Variants in LINGO2 observed in about 807,000 individuals in gnomAD.
LINGO2 encodes the protein leucine-rich repeat and immunoglobulin-like domain-containing nogo receptor-interacting protein 2.
LINGO2 carries 14 observed loss-of-function variants against 30.6 expected under a neutral mutation model. That is an observed-to-expected ratio of 0.46 (90% CI 0.30 to 0.72). The LOEUF (loss-of-function observed/expected upper bound fraction) is 0.72. Ranked by LOEUF, LINGO2 falls within the 30% of genes least tolerant of loss-of-function variation. The pLI is 0.07. For missense variants in LINGO2, 729 were observed against 751.7 expected (o/e 0.97, Z 0.35); for synonymous variants, 317 against 288.5 (o/e 1.10, Z -1.00).
chr9:28,118,081 G>A (rs192401627), intron 4 of LINGO2, among the ~76,000 whole-genome samples: 21 of 152,036 alleles, frequency 1.4e-4, no homozygotes, highest in Non-Finnish European at 2.1e-4. Context: ...GGGCCTGTTG[G>A]GGGGTGGAGT....
intron 1 of LINGO2, among the ~76,000 whole-genome samples, chr9:28,532,369 C>A (rs1028346911): frequency 6.6e-6 from 1 of 151,988 alleles, no homozygotes; most frequent in Non-Finnish European, 1.5e-5. Flanking sequence ...AGTCCTCAAA[C>A]TGTTTTTTGT....
chr9:29,009,519 C>T, the LINGO2 span, among the ~76,000 whole-genome samples: 2,295 of 151,988 alleles, frequency 0.015, 24 homozygotes, highest in Middle Eastern at 0.031. Flanking sequence ...CACTGCTCAA[C>T]GAAATAAAAG....
chr9:28,817,788 AG>A, the LINGO2 span, among the ~76,000 whole-genome samples: 10 of 152,172 alleles, frequency 6.6e-5, no homozygotes, highest in African/African-American at 2.4e-4. Flanking sequence ...AAGATGAAAA[AG>A]CCTTATGCCA....
the LINGO2 span, among the ~76,000 whole-genome samples, chr9:28,983,420 C>T: frequency 1.3e-5 from 2 of 150,120 alleles, no homozygotes; most frequent in Non-Finnish European, 3.0e-5. Flanking sequence ...ATATAATGAA[C>T]TAAAACTAAT....
the LINGO2 span, among the ~76,000 whole-genome samples, chr9:29,056,058 A>G: frequency 6.6e-6 from 1 of 151,814 alleles, no homozygotes; most frequent in Non-Finnish European, 1.5e-5. Flanking sequence ...TTACTGTGAA[A>G]TGTTCTGCTA....
chr9:28,967,459 G>A, the LINGO2 span, among the ~76,000 whole-genome samples: 890 of 152,202 alleles, frequency 5.8e-3, 8 homozygotes, highest in African/African-American at 0.021. Flanking sequence ...ATCATTTCTG[G>A]TAGTAAATGT....
chr9:28,609,766 T>C (rs1368916337), intron 1 of LINGO2, among the ~76,000 whole-genome samples: 1 of 152,108 alleles, frequency 6.6e-6, no homozygotes, highest in African/African-American at 2.4e-5. Flanking sequence ...GATAGTTATC[T>C]TAAAATTTTT....
At chr9:28,119,091 A>G (rs972663631) in intron 4 of LINGO2, among the ~76,000 whole-genome samples, 1 of 152,188 alleles carries the variant, frequency 6.6e-6, no homozygotes, top group Non-Finnish European at 1.5e-5. Flanking sequence ...GAAGCTCACT[A>G]CTTCTCTTAG....
rs940861252 is a variant in LINGO2 at position 28,590,579 on chromosome 9, A to G, written c.-365+79621T>C. 3.3e-5 allele frequency among the ~76,000 whole-genome samples: 5 copies of G among 152,172 alleles called. No individual in the cohort carries two copies. In the South Asian group the frequency reaches 6.2e-4, roughly 19 times the overall value. On this transcript the variant is annotated intron_variant, in intron 1 of 5. Coordinates refer to ENST00000379992, the Ensembl canonical transcript of LINGO2. ...AAAATGCTCATCATCACTGGCCATC[A>G]GAGAAATGCAAATCAAAACCACAAT... is the stretch of plus-strand genomic sequence containing the variant.
chr9:29,161,221 T>C, the LINGO2 span, among the ~76,000 whole-genome samples: 1 of 152,176 alleles, frequency 6.6e-6, no homozygotes, highest in African/African-American at 2.4e-5. Flanking sequence ...CAAACAGCCA[T>C]GATAAAGGTA....
chr9:28,782,789 A>G, the LINGO2 span, among the ~76,000 whole-genome samples: 1 of 152,206 alleles, frequency 6.6e-6, no homozygotes, highest in Non-Finnish European at 1.5e-5. Flanking sequence ...ACAGTCATGC[A>G]TCACTAAACA....
At chr9:27,950,525 G>C in exon 6 of LINGO2, 1 of 1,576,102 alleles carries the variant, frequency 6.3e-7, no homozygotes. Flanking sequence ...CTGGGATGGC[G>C]ATCAATCGCC....
At chr9:28,627,753 T>A (rs181684395) in intron 1 of LINGO2, among the ~76,000 whole-genome samples, 3 of 152,154 alleles carry the variant, frequency 2.0e-5, no homozygotes, top group Admixed American at 2.0e-4. Context: ...TTGTCTATAA[T>A]GTGCATAAAA....
At chr9:28,649,257 C>A (rs769054787) in intron 1 of LINGO2, among the ~76,000 whole-genome samples, 1 of 152,098 alleles carries the variant, frequency 6.6e-6, no homozygotes, top group Non-Finnish European at 1.5e-5. Context: ...AACATAGCTT[C>A]CAAACATTCT....
chr9:28,844,375 A>T, the LINGO2 span, among the ~76,000 whole-genome samples: 2 of 151,778 alleles, frequency 1.3e-5, no homozygotes, highest in Non-Finnish European at 2.9e-5. Flanking sequence ...TGCAAAACAA[A>T]ACAAAAACGA....
chr9:28,502,039 T>C (rs1819908089), intron 1 of LINGO2, among the ~76,000 whole-genome samples: 1 of 150,064 alleles, frequency 6.7e-6, no homozygotes, highest in Non-Finnish European at 1.5e-5. Flanking sequence ...GAGGAGGAAG[T>C]AATGGATAAA....
At chr9:29,204,714 G>A in the LINGO2 span, among the ~76,000 whole-genome samples, 1 of 152,004 alleles carries the variant, frequency 6.6e-6, no homozygotes, top group Admixed American at 6.6e-5. Flanking sequence ...TTTCCTATTG[G>A]ACATTTGGAG....
At chr9:28,917,594 A>C in the LINGO2 span, among the ~76,000 whole-genome samples, 1 of 152,094 alleles carries the variant, frequency 6.6e-6, no homozygotes, top group Non-Finnish European at 1.5e-5. Flanking sequence ...CTGGGATTAC[A>C]GGCACCCACC....
At chr9:28,239,273 C>T in intron 4 of LINGO2, among the ~76,000 whole-genome samples, 1 of 152,018 alleles carries the variant, frequency 6.6e-6, no homozygotes. Flanking sequence ...GAAGATACTT[C>T]CAAACTCATC....
Sources: gnomAD v4.1 joint callset for allele counts (sites outside exome capture counted in the v4.1 genomes callset) on GRCh38, gnomAD v4.1.1 for gene constraint, MANE v1.5 for transcripts, NCBI Gene and HGNC (gene_info 2026-07-23, HGNC 2026-07-21) for gene names.